The following CFAP299 variants were observed in gnomAD, a reference collection of about 807,000 sequenced individuals.
The protein encoded by CFAP299 is cilia- and flagella-associated protein 299.
CFAP299 carries 21 observed loss-of-function variants against 27.0 expected under a neutral mutation model. The observed-to-expected ratio is 0.78, with a 90% confidence interval of 0.55 to 1.12. The LOEUF is 1.12. Among genes scored for constraint, CFAP299 ranks in the 50% most tolerant of loss-of-function variants. The pLI is 0.00. For missense variants in CFAP299, 310 were observed against 276.6 expected (o/e 1.12, Z -0.86); for synonymous variants, 104 against 98.1 (o/e 1.06, Z -0.36).
intron 3 of CFAP299, among the ~76,000 whole-genome samples, chr4:80,692,275 C>T (rs1424108826): frequency 6.6e-6 from 1 of 152,172 alleles, no homozygotes; most frequent in African/African-American, 2.4e-5. Flanking sequence ...GGAGGCATCA[C>T]ACTACCTGAC....
At chr4:80,936,433 A>G (rs191886557) in intron 4 of CFAP299, among the ~76,000 whole-genome samples, 4 of 152,280 alleles carry the variant, frequency 2.6e-5, no homozygotes, top group Admixed American at 2.0e-4. Flanking sequence ...GTACATATAC[A>G]ACACACCATG....
chr4:80,898,005 A>G (rs1015525632), intron 4 of CFAP299, among the ~76,000 whole-genome samples: 12 of 152,046 alleles, frequency 7.9e-5, no homozygotes, highest in African/African-American at 2.7e-4. Flanking sequence ...GGCAGGAGCA[A>G]ACTCCATGTG....
chr4:80,736,505 C>A (rs1188291116), intron 3 of CFAP299, among the ~76,000 whole-genome samples: 45 of 149,028 alleles, frequency 3.0e-4, no homozygotes, highest in South Asian at 1.5e-3. Context: ...GGGCGAAGGA[C>A]ATGAACAGAC....
chr4:80,582,097 T>G (rs1032579713), intron 2 of CFAP299, among the ~76,000 whole-genome samples: 3 of 151,906 alleles, frequency 2.0e-5, no homozygotes, highest in Non-Finnish European at 4.4e-5. Flanking sequence ...TTGAATTTCT[T>G]TATTCCTTTG....
chr4:80,937,415 C>T (rs1285303764), intron 4 of CFAP299, among the ~76,000 whole-genome samples: 1 of 145,332 alleles, frequency 6.9e-6, no homozygotes, highest in African/African-American at 2.6e-5. Context: ...ATCCCAGGCT[C>T]AATCGATCCT....
At chr4:80,457,514 G>A (rs184303860) in intron 2 of CFAP299, among the ~76,000 whole-genome samples, 4 of 152,218 alleles carry the variant, frequency 2.6e-5, no homozygotes, top group East Asian at 1.9e-4. Flanking sequence ...AGAAGACACC[G>A]GAACAAATTT....
At chr4:80,709,375 TGTAAATAATCTG>T (rs1722007865) in intron 3 of CFAP299, among the ~76,000 whole-genome samples, 1 of 152,190 alleles carries the variant, frequency 6.6e-6, no homozygotes, top group Admixed American at 6.6e-5. Context: ...CTGTAATACA[TGTAAATAATCTG>T]GATTAAATAT....
intron 3 of CFAP299, among the ~76,000 whole-genome samples, chr4:80,695,397 A>C (rs1721023494): frequency 6.6e-6 from 1 of 152,132 alleles, no homozygotes; most frequent in African/African-American, 2.4e-5. Context: ...TCTCACATAT[A>C]GTTCAGTGTG....
chr4:80,645,153 T>C (rs1739937240), intron 3 of CFAP299, among the ~76,000 whole-genome samples: 1 of 152,124 alleles, frequency 6.6e-6, no homozygotes. Context: ...CACCAGTATT[T>C]TCCAATGTTT....
intron 4 of CFAP299, among the ~76,000 whole-genome samples, chr4:80,893,761 G>T (rs1189649827): frequency 6.6e-6 from 1 of 151,490 alleles, no homozygotes; most frequent in African/African-American, 2.4e-5. Flanking sequence ...ATGTAGAACC[G>T]CTAGGAGATG....
At chr4:80,876,463 T>C (rs755775604) in intron 4 of CFAP299, among the ~76,000 whole-genome samples, 1 of 152,156 alleles carries the variant, frequency 6.6e-6, no homozygotes, top group Non-Finnish European at 1.5e-5. Flanking sequence ...TCTGCCATGA[T>C]TGTAAGTTTC....
chr4:80,948,861 CTAAT>C (rs1737614538), intron 5 of CFAP299, among the ~76,000 whole-genome samples: 1 of 151,934 alleles, frequency 6.6e-6, no homozygotes, highest in African/African-American at 2.4e-5. Flanking sequence ...TAGTGCTACA[CTAAT>C]TAAAAGTTAA....
At chr4:80,736,156 C>T (rs1723855709) in intron 3 of CFAP299, among the ~76,000 whole-genome samples, 1 of 152,078 alleles carries the variant, frequency 6.6e-6, no homozygotes, top group African/African-American at 2.4e-5. Flanking sequence ...AGTCCTTGCC[C>T]ATGCCTATGT....
intron 3 of CFAP299, among the ~76,000 whole-genome samples, chr4:80,844,426 A>G (rs1248650903): frequency 6.6e-6 from 1 of 152,086 alleles, no homozygotes; most frequent in Non-Finnish European, 1.5e-5. Flanking sequence ...TTGTTTCCTG[A>G]CTTTTTAATG....
intron 2 of CFAP299, among the ~76,000 whole-genome samples, chr4:80,460,269 A>G (rs1729372338): frequency 6.6e-6 from 1 of 152,030 alleles, no homozygotes; most frequent in Non-Finnish European, 1.5e-5. Flanking sequence ...GGGTAGGGGG[A>G]GCCGGTGTGC....
At chr4:80,533,056 ACTAAG>A (rs1733554860) in intron 2 of CFAP299, among the ~76,000 whole-genome samples, 2 of 152,302 alleles carry the variant, frequency 1.3e-5, no homozygotes, top group South Asian at 4.1e-4. Context: ...CCTTATGTAT[ACTAAG>A]CTTTATTGAA....
intron 2 of CFAP299, among the ~76,000 whole-genome samples, chr4:80,547,984 TAAAAC>T (rs1734324429): frequency 6.6e-6 from 1 of 152,092 alleles, no homozygotes; most frequent in Admixed American, 6.6e-5. Context: ...ACCAAGAACT[TAAAAC>T]AGAACTACCA....
At chr4:80,624,726 A>C (rs1738793273) in intron 3 of CFAP299, among the ~76,000 whole-genome samples, 1 of 152,064 alleles carries the variant, frequency 6.6e-6, no homozygotes, top group African/African-American at 2.4e-5. Flanking sequence ...GGATTTTTAA[A>C]AAAACAGCAA....
intron 3 of CFAP299, among the ~76,000 whole-genome samples, chr4:80,644,538 G>A (rs541401640): frequency 6.6e-6 from 1 of 152,252 alleles, no homozygotes; most frequent in South Asian, 2.1e-4. Context: ...TTTGCACGTC[G>A]TGGACTTTTT....
Sources: allele counts gnomAD v4.1 joint callset (sites outside exome capture counted in the v4.1 genomes callset), GRCh38; gene constraint gnomAD v4.1.1; transcripts MANE v1.5; gene names NCBI Gene and HGNC (gene_info 2026-07-23, HGNC 2026-07-21).